The following LRRC4C variants were observed in gnomAD, a reference collection of about 807,000 sequenced individuals.
LRRC4C encodes the protein leucine-rich repeat-containing protein 4C.
A neutral mutation model predicts 33.6 loss-of-function variants in LRRC4C; 5 were observed. The observed-to-expected ratio is 0.15, with a 90% CI of 0.08 to 0.31. The LOEUF (loss-of-function observed/expected upper bound fraction) is 0.31, where lower values mean the gene tolerates loss of function less well. LRRC4C is among the 10% of genes least tolerant of loss of function. The pLI, the probability that LRRC4C is intolerant of heterozygous loss-of-function variation, is 1.00. For synonymous variants in LRRC4C, 329 were observed against 302.0 expected, an observed-to-expected ratio of 1.09 and a Z score of -0.93; for missense variants, 560 against 796.7, an observed-to-expected ratio of 0.70 and a Z score of 3.58.
At chr11:40,798,066 C>A (rs1950902576) in intron 2 of LRRC4C, among the ~76,000 whole-genome samples, 1 of 152,194 alleles carries the variant, frequency 6.6e-6, no homozygotes, top group African/African-American at 2.4e-5. Context: ...CAGCTCTTTG[C>A]TCCTACATAG....
intron 1 of LRRC4C, among the ~76,000 whole-genome samples, chr11:41,430,853 A>G (rs1029478000): frequency 2.6e-5 from 4 of 151,886 alleles, no homozygotes; most frequent in Non-Finnish European, 5.9e-5. Context: ...CTTACTTACT[A>G]GTTGTTCTCA....
At chr11:40,116,444 A>G (rs1590408619) in intron 6 of LRRC4C, 110 bp from the exon 7 acceptor site, 1 of 1,152,714 alleles carries the variant, frequency 8.7e-7, no homozygotes, top group East Asian at 2.6e-5. Flanking sequence ...CATGTGTGAG[A>G]CAAATTAAAA....
intron 3 of LRRC4C, among the ~76,000 whole-genome samples, chr11:40,644,027 A>G (rs1451785432): frequency 6.6e-6 from 1 of 152,228 alleles, no homozygotes; most frequent in Non-Finnish European, 1.5e-5. Context: ...TATCAAGGAG[A>G]GCAAATGGAC....
At chr11:40,255,308 A>G (rs1389158580) in intron 4 of LRRC4C, among the ~76,000 whole-genome samples, 1 of 152,104 alleles carries the variant, frequency 6.6e-6, no homozygotes, top group Admixed American at 6.6e-5. Context: ...AAGCAGAGGA[A>G]ACAACAAAAG....
intron 5 of LRRC4C, among the ~76,000 whole-genome samples, chr11:40,148,062 A>G (rs1857891365): frequency 6.6e-6 from 1 of 152,160 alleles, no homozygotes; most frequent in African/African-American, 2.4e-5. Flanking sequence ...TGTCCATACT[A>G]TGGCTGCATA....
At chr11:41,288,466 G>A (rs919836387) in intron 1 of LRRC4C, among the ~76,000 whole-genome samples, 74 of 152,302 alleles carry the variant, frequency 4.9e-4, no homozygotes, top group Admixed American at 3.9e-3. Context: ...TCAGCAGAGA[G>A]TGTCACTAGG....
chr11:40,711,108 C>T (rs1946440834), intron 2 of LRRC4C, among the ~76,000 whole-genome samples: 1 of 152,178 alleles, frequency 6.6e-6, no homozygotes, highest in Admixed American at 6.5e-5. Context: ...CACAGCTTCC[C>T]TTGGCTAGGA....
chr11:41,280,351 C>G (rs1450869032), intron 1 of LRRC4C, among the ~76,000 whole-genome samples: 1 of 140,712 alleles, frequency 7.1e-6, no homozygotes, highest in Non-Finnish European at 1.5e-5. Flanking sequence ...GTCAAGTAGT[C>G]CAAACCAAGG....
At chr11:40,599,978 A>G (rs1005557481) in intron 3 of LRRC4C, among the ~76,000 whole-genome samples, 10 of 152,244 alleles carry the variant, frequency 6.6e-5, no homozygotes, top group Non-Finnish European at 1.5e-4. Context: ...AGAATTTCCT[A>G]TAGGCATAAT....
intron 3 of LRRC4C, among the ~76,000 whole-genome samples, chr11:40,424,464 A>G (rs1950640201): frequency 6.6e-6 from 1 of 152,216 alleles, no homozygotes; most frequent in Admixed American, 6.5e-5. Flanking sequence ...TTTTGCAGTT[A>G]TTTCTTACAG....
chr11:40,600,306 T>G (rs1959851649), intron 3 of LRRC4C, among the ~76,000 whole-genome samples: 1 of 152,142 alleles, frequency 6.6e-6, no homozygotes, highest in African/African-American at 2.4e-5. Flanking sequence ...TAGGTATTGT[T>G]TTTTCTCCCT....
intron 1 of LRRC4C, among the ~76,000 whole-genome samples, chr11:41,448,559 G>A (rs1230797487): frequency 1.3e-5 from 2 of 152,056 alleles, no homozygotes; most frequent in African/African-American, 2.4e-5. Context: ...ATGTGCCTCC[G>A]CCTCCCAAAG....
rs147875107 is a variant in LRRC4C at position 40,971,753 on chromosome 11, G to A, written c.-495-38030C>T. 4.1e-3 allele frequency among the ~76,000 whole-genome samples: 631 copies of A among 152,256 alleles called. 3 individuals are homozygous for A. Among genetic ancestry groups the A allele is most frequent in the Non-Finnish European group, 6.9e-3 (466 of 68,020 alleles). ...AGCACCAGCCCTTGAGAGCAGCCAT[G>A]AAGTTTAAACCCTGGAAAGCTACAG... On this transcript the variant is annotated intron_variant, in intron 1 of 6. Coordinates refer to ENST00000528697, the MANE Select transcript of LRRC4C (RefSeq NM_001258419.2).
At chr11:41,328,687 A>G (rs1271820518) in intron 1 of LRRC4C, among the ~76,000 whole-genome samples, 1 of 152,188 alleles carries the variant, frequency 6.6e-6, no homozygotes, top group Non-Finnish European at 1.5e-5. Flanking sequence ...ACCACCAGCA[A>G]GCCTCCTATT....
intron 1 of LRRC4C, among the ~76,000 whole-genome samples, chr11:41,285,426 T>C (rs983678694): frequency 1.3e-5 from 2 of 152,218 alleles, no homozygotes; most frequent in South Asian, 2.1e-4. Context: ...CTAAGCAAGA[T>C]ATTGATTATT....
chr11:41,181,228 C>T (rs1322704443), intron 1 of LRRC4C, among the ~76,000 whole-genome samples: 1 of 152,042 alleles, frequency 6.6e-6, no homozygotes, highest in African/African-American at 2.4e-5. Context: ...TTACCTTCTC[C>T]CCCACAGCCA....
chr11:40,182,528 C>T (rs979799795), intron 5 of LRRC4C, among the ~76,000 whole-genome samples: 1 of 152,138 alleles, frequency 6.6e-6, no homozygotes, highest in Non-Finnish European at 1.5e-5. Flanking sequence ...CCAAAAACTT[C>T]TTATTTTAGA....
intron 1 of LRRC4C, among the ~76,000 whole-genome samples, chr11:41,442,716 G>T (rs895711854): frequency 6.6e-6 from 1 of 151,864 alleles, no homozygotes; most frequent in African/African-American, 2.4e-5. Flanking sequence ...TGATCCGCCC[G>T]CCTTTGCCTC....
intron 3 of LRRC4C, among the ~76,000 whole-genome samples, chr11:40,566,680 C>T (rs969942172): frequency 6.6e-6 from 1 of 152,166 alleles, no homozygotes. Context: ...TGCTAATGAA[C>T]ATAGGTAGCA....
Sources: gnomAD v4.1 joint callset for allele counts (sites outside exome capture counted in the v4.1 genomes callset) on GRCh38, gnomAD v4.1.1 for gene constraint, MANE v1.5 for transcripts, NCBI Gene and HGNC (gene_info 2026-07-23, HGNC 2026-07-21) for gene names.